Variants in MEIS2 observed in about 807,000 individuals in gnomAD.
The protein encoded by MEIS2 is Meis homeobox 2.
A neutral mutation model predicts 58.6 loss-of-function variants in MEIS2; 9 were observed. The observed-to-expected ratio is 0.15, with a 90% CI of 0.09 to 0.27. The LOEUF (loss-of-function observed/expected upper bound fraction) is 0.27. Ranked by LOEUF, MEIS2 falls within the 10% of genes least tolerant of loss-of-function variation. The probability of loss-of-function intolerance (pLI) is 1.00; values close to 1 mark genes in which losing one functional copy is unlikely to be tolerated. For synonymous variants in MEIS2, 221 were observed against 228.4 expected (o/e 0.97, Z 0.29); for missense variants, 427 against 635.0 (o/e 0.67, Z 3.52).
At chr15:37,017,303 A>G (rs1032468586) in intron 8 of MEIS2, among the ~76,000 whole-genome samples, 1 of 152,152 alleles carries the variant, frequency 6.6e-6, no homozygotes, top group African/African-American at 2.4e-5. Context: ...AGAAAGAATA[A>G]TCGTCTACAC....
At chr15:37,100,884 A>AC (rs1193344108), upstream of MEIS2, 1 of 151,310 alleles carries the variant, frequency 6.6e-6, no homozygotes, top group Non-Finnish European at 1.5e-5. Context: ...AAAAAAAAAA[A>AC]AACTTACTTC....
At chr15:36,898,694 A>G (rs955229558) in intron 9 of MEIS2, 1 of 152,178 alleles carries the variant, frequency 6.6e-6, no homozygotes, top group African/African-American at 2.4e-5. Context: ...TCTCAGCAGG[A>G]GAACTCCACA....
intron 3 of MEIS2, chr15:37,096,081 C>T: frequency 1.8e-6 from 1 of 548,876 alleles, no homozygotes; most frequent in Non-Finnish European, 3.1e-6. Context: ...CCCCTGTATT[C>T]CTGCTGGGGG....
chr15:37,071,390 G>A, intron 7 of MEIS2, among the ~76,000 whole-genome samples: 1 of 152,038 alleles, frequency 6.6e-6, no homozygotes, highest in Non-Finnish European at 1.5e-5. Context: ...TTGGGGCCAG[G>A]CTTAGAGTAG....
At chr15:36,914,180 G>C (rs2057167062) in intron 9 of MEIS2, among the ~76,000 whole-genome samples, 1 of 152,166 alleles carries the variant, frequency 6.6e-6, no homozygotes, top group Non-Finnish European at 1.5e-5. Flanking sequence ...TGATCTTTCT[G>C]AGGATGTACA....
intron 8 of MEIS2, among the ~76,000 whole-genome samples, chr15:37,027,740 A>T (rs1171495316): frequency 4.0e-5 from 6 of 151,616 alleles, no homozygotes; most frequent in Admixed American, 6.6e-5. Flanking sequence ...TTCATTCTTC[A>T]ATCTTTTCAT....
chr15:36,980,162 CAT>C (rs1301416639), intron 8 of MEIS2, among the ~76,000 whole-genome samples: 12 of 152,108 alleles, frequency 7.9e-5, no homozygotes, highest in Admixed American at 6.6e-4. Flanking sequence ...TACTTAGTCA[CAT>C]GTTTATTGTG....
intron 9 of MEIS2, among the ~76,000 whole-genome samples, chr15:36,906,242 T>C (rs1317661287): frequency 6.6e-6 from 1 of 152,114 alleles, no homozygotes; most frequent in Non-Finnish European, 1.5e-5. Flanking sequence ...AATGATAAAA[T>C]ATGGTGTTTG....
rs191249599 is a variant in MEIS2 at position 36,968,555 on chromosome 15, C to T, written c.901-18155G>A. Among the ~76,000 whole-genome samples the T allele has an allele frequency of 8.2e-4, 125 of 152,246 alleles. 1 individual carries two copies. Among genetic ancestry groups the T allele is most frequent in the Admixed American group, 6.1e-3 (93 of 15,292 alleles). ...CATAAAGGGAGTTTTTCAAGTGATA[C>T]GTGTGCTATGTGATGTGACACTTCC... On this transcript the variant is annotated intron_variant, in intron 8 of 11. Coordinates refer to ENST00000561208, the MANE Select transcript of MEIS2 (RefSeq NM_170675.5).
intron 7 of MEIS2, chr15:37,066,355 T>C (rs16964637): frequency 0.067 from 10,259 of 152,242 alleles, 384 homozygotes; most frequent in African/African-American, 0.089. Flanking sequence ...GTCACTTGCC[T>C]TAATTAAATT....
chr15:37,093,857 C>T, intron 5 of MEIS2, 127 bp from the exon 6 acceptor site: 1 of 1,161,508 alleles, frequency 8.6e-7, no homozygotes, highest in Non-Finnish European at 1.2e-6. Flanking sequence ...GTGATGTCTT[C>T]CAAACTAACT....
chr15:36,988,063 T>TC (rs1246049527), intron 8 of MEIS2, among the ~76,000 whole-genome samples: 1 of 152,198 alleles, frequency 6.6e-6, no homozygotes, highest in African/African-American at 2.4e-5. Context: ...ATGAGGACTA[T>TC]AGTTAATCAT....
chr15:36,970,313 A>G (rs1369287493), intron 8 of MEIS2, among the ~76,000 whole-genome samples: 1 of 151,738 alleles, frequency 6.6e-6, no homozygotes. Flanking sequence ...CTGAGGCAGG[A>G]GAATGGCGTG....
At chr15:36,982,585 C>A (rs2059963063) in intron 8 of MEIS2, among the ~76,000 whole-genome samples, 1 of 152,132 alleles carries the variant, frequency 6.6e-6, no homozygotes, top group African/African-American at 2.4e-5. Context: ...CACATCTTGG[C>A]CATTGTGAAT....
At chr15:37,038,701 G>A (rs2062273552) in intron 7 of MEIS2, among the ~76,000 whole-genome samples, 1 of 152,122 alleles carries the variant, frequency 6.6e-6, no homozygotes, top group Non-Finnish European at 1.5e-5. Context: ...GTCAAAGACC[G>A]AATCAGTATA....
chr15:36,967,012 T>G (rs775045865), intron 8 of MEIS2, among the ~76,000 whole-genome samples: 1 of 152,146 alleles, frequency 6.6e-6, no homozygotes, highest in Admixed American at 6.5e-5. Flanking sequence ...TGTTAAAGGA[T>G]GTAAGTACTA....
At chr15:36,989,004 C>T (rs1233454192) in intron 8 of MEIS2, among the ~76,000 whole-genome samples, 1 of 152,158 alleles carries the variant, frequency 6.6e-6, no homozygotes, top group Non-Finnish European at 1.5e-5. Context: ...TATTGAGATC[C>T]ACCAGTGATT....
chr15:37,046,182 C>T (rs1339770974), intron 7 of MEIS2, among the ~76,000 whole-genome samples: 1 of 152,228 alleles, frequency 6.6e-6, no homozygotes, highest in African/African-American at 2.4e-5. Context: ...TCCATTCTCA[C>T]TGGCTTGGCC....
chr15:36,940,248 G>A (rs1001509249), intron 9 of MEIS2, among the ~76,000 whole-genome samples: 25 of 152,160 alleles, frequency 1.6e-4, no homozygotes, highest in African/African-American at 6.0e-4. Flanking sequence ...CGGGAGGCAA[G>A]TTGTCAGTTT....
Sources: allele counts gnomAD v4.1 joint callset (sites outside exome capture counted in the v4.1 genomes callset), GRCh38; gene constraint gnomAD v4.1.1; transcripts MANE v1.5; gene names NCBI Gene and HGNC (gene_info 2026-07-23, HGNC 2026-07-21).